PCDHA2: variants seen among roughly 807,000 people sequenced by gnomAD.
The protein encoded by PCDHA2 is protocadherin alpha-2.
A neutral mutation model predicts 66.0 loss-of-function variants in PCDHA2; 58 were observed. The observed-to-expected ratio is 0.88, with a 90% CI of 0.71 to 1.09. The LOEUF (loss-of-function observed/expected upper bound fraction) is 1.09, where lower values mean the gene tolerates loss of function less well. Among genes scored for constraint, PCDHA2 ranks in the 50% least tolerant of loss-of-function variants. The pLI is 0.00. For missense variants in PCDHA2, 1,267 were observed against 1,242.3 expected (o/e 1.02, Z -0.30); for synonymous variants, 634 against 554.0 (o/e 1.14, Z -2.03).
intron 1 of PCDHA2, chr5:140,822,158 A>G (rs2150114176): frequency 6.2e-7 from 1 of 1,614,246 alleles, no homozygotes; most frequent in East Asian, 2.2e-5. Context: ...ATCAATGACA[A>G]TCCGCCCAGG....
intron 1 of PCDHA2, chr5:140,928,607 G>T: frequency 1.2e-6 from 2 of 1,614,188 alleles, no homozygotes; most frequent in Non-Finnish European, 1.7e-6. Context: ...ATTGTGCCCC[G>T]CTCTGCCAGG....
At chr5:140,815,530 T>C (rs1166170881) in intron 1 of PCDHA2, 1 of 102,342 alleles carries the variant, frequency 9.8e-6, no homozygotes, top group Non-Finnish European at 2.0e-5. Context: ...TTATATTGTG[T>C]ATACATTATT....
intron 1 of PCDHA2, chr5:140,812,931 A>T (rs1192627991): frequency 6.6e-6 from 1 of 152,234 alleles, no homozygotes; most frequent in African/African-American, 2.4e-5. Context: ...TTTAATTTCT[A>T]CATATTTGCA....
chr5:140,886,189 G>A (rs2060889525), intron 1 of PCDHA2, among the ~76,000 whole-genome samples: 1 of 152,090 alleles, frequency 6.6e-6, no homozygotes. Context: ...ATGCTGGCAA[G>A]CAGTAATCTG....
At chr5:140,828,813 C>T in intron 1 of PCDHA2, 1 of 1,614,220 alleles carries the variant, frequency 6.2e-7, no homozygotes. Flanking sequence ...AATGCTCCCA[C>T]TTTCGAACAG....
chr5:140,801,799 A>T, intron 1 of PCDHA2: 1 of 1,614,092 alleles, frequency 6.2e-7, no homozygotes, highest in Non-Finnish European at 8.5e-7. Flanking sequence ...AAAAATTTAA[A>T]TCGAGAGGAC....
At chr5:140,923,971 A>G (rs557891257) in intron 1 of PCDHA2, among the ~76,000 whole-genome samples, 2 of 152,330 alleles carry the variant, frequency 1.3e-5, no homozygotes, top group East Asian at 3.9e-4. Flanking sequence ...ATACCCACAC[A>G]TACTATCCCT....
intron 3 of PCDHA2, among the ~76,000 whole-genome samples, chr5:141,008,567 T>C (rs1171779674): frequency 1.3e-5 from 2 of 152,182 alleles, no homozygotes; most frequent in African/African-American, 4.8e-5. Flanking sequence ...TGCATAATCA[T>C]TTTCCCAAGA....
chr5:140,883,402 C>T lies in PCDHA2; in HGVS notation c.2388+86050C>T. ...CCCTAATCAGTGTGTCCGATCGTGACTCTGGCTCAAATGGACAGGTCACCT... is the reference window on the plus strand; with the variant it reads ...CCCTAATCAGTGTGTCCGATCGTGATTCTGGCTCAAATGGACAGGTCACCT... On this transcript the variant is annotated intron_variant, in intron 1 of 3. Coordinates refer to ENST00000526136, the MANE Select transcript of PCDHA2 (RefSeq NM_018905.3). 4 of 1,614,192 alleles carry T rather than the reference C, an allele frequency of 2.5e-6. No individual in the cohort carries two copies. The South Asian group carries it at 3.3e-5, about 13-fold the overall frequency.
intron 1 of PCDHA2, chr5:140,851,117 T>G: frequency 7.7e-7 from 1 of 1,306,460 alleles, no homozygotes; most frequent in Non-Finnish European, 9.9e-7. Flanking sequence ...TGAATCAATT[T>G]TATTTAAATT....
At chr5:140,962,676 G>C (rs1201696145) in intron 1 of PCDHA2, among the ~76,000 whole-genome samples, 1 of 152,126 alleles carries the variant, frequency 6.6e-6, no homozygotes, top group Non-Finnish European at 1.5e-5. Context: ...CCATCCACTG[G>C]ATGTTTTATC....
At chr5:140,810,171 AGTT>A (rs1764612189) in intron 1 of PCDHA2, 1 of 152,272 alleles carries the variant, frequency 6.6e-6, no homozygotes. Flanking sequence ...TGTTATATGT[AGTT>A]GTAGTTTATT....
chr5:140,977,864 GGTAAGTATAAT>G (rs1175044090), intron 1 of PCDHA2, among the ~76,000 whole-genome samples: 1 of 152,140 alleles, frequency 6.6e-6, no homozygotes, highest in Non-Finnish European at 1.5e-5. Context: ...TACCAAATAT[GGTAAGTATAAT>G]GTAGAGGAAA....
intron 1 of PCDHA2, chr5:140,877,591 G>GT: frequency 6.2e-7 from 1 of 1,613,852 alleles, no homozygotes; most frequent in Non-Finnish European, 8.5e-7. Context: ...CATCTGTGCG[G>GT]TGTCCAGCCT....
chr5:140,927,008 TCTCCGCGGACTTGAGGCTGCCAG>T (rs782232084), intron 1 of PCDHA2: 1 of 1,612,514 alleles, frequency 6.2e-7, no homozygotes, highest in South Asian at 1.1e-5. Flanking sequence ...GTAGGCAATC[TCTCCGCGGACTTGAGGCTGCCAG>T]CGGCCGCTAT....
At chr5:140,828,743 G>A (rs1159793730) in intron 1 of PCDHA2, 3 of 1,614,118 alleles carry the variant, frequency 1.9e-6, no homozygotes, top group African/African-American at 2.7e-5. Flanking sequence ...CACAGATGGG[G>A]GCAAACCTGA....
intron 1 of PCDHA2, chr5:140,814,617 A>G (rs1554126560): frequency 6.6e-6 from 1 of 152,186 alleles, no homozygotes; most frequent in African/African-American, 2.4e-5. Context: ...GTACTTTTAT[A>G]TAACTGGTAG....
intron 1 of PCDHA2, chr5:140,870,699 C>T (rs1160091003): frequency 6.2e-7 from 1 of 1,613,004 alleles, no homozygotes. Flanking sequence ...TGCTACAGTT[C>T]CAGGTGAGCG....
intron 1 of PCDHA2, chr5:140,834,282 A>C: frequency 8.7e-7 from 1 of 1,148,074 alleles, no homozygotes; most frequent in Admixed American, 2.3e-5. Context: ...CTTTGGATGC[A>C]CAACAATGGC....
Sources: gnomAD v4.1 joint callset for allele counts (sites outside exome capture counted in the v4.1 genomes callset) on GRCh38, gnomAD v4.1.1 for gene constraint, MANE v1.5 for transcripts, NCBI Gene and HGNC (gene_info 2026-07-23, HGNC 2026-07-21) for gene names.